The following GCFC2 variants were observed in gnomAD, a reference collection of about 807,000 sequenced individuals.
GCFC2 encodes the protein intron Large complex component GCFC2.
In GCFC2, 102 loss-of-function variants were observed where a neutral mutation model predicts 99.4. The ratio of observed to expected loss-of-function variants is 1.03; its 90% CI spans 0.87 to 1.21. GCFC2 has a LOEUF of 1.21. Ranked by LOEUF, GCFC2 falls within the 50% of genes most tolerant of loss-of-function variation. The pLI is 0.00. For synonymous variants in GCFC2, 338 were observed against 316.8 expected (o/e 1.07, Z -0.71); for missense variants, 973 against 920.9 (o/e 1.06, Z -0.73).
At chr2:75,676,039 T>TG (rs1679323879) in intron 12 of GCFC2, among the ~76,000 whole-genome samples, 1 of 152,114 alleles carries the variant, frequency 6.6e-6, no homozygotes, top group Non-Finnish European at 1.5e-5. Context: ...GGACAAATGT[T>TG]GGGGATGGTT....
intron 4 of GCFC2, among the ~76,000 whole-genome samples, chr2:75,696,952 AT>A (rs1239572161): frequency 6.6e-6 from 1 of 151,794 alleles, no homozygotes. Flanking sequence ...TGCCTGGTGA[AT>A]TTTTTTGTAT....
At chr2:75,711,447 TAAAG>T (rs1196830646), upstream of GCFC2, among the ~76,000 whole-genome samples, 1 of 152,200 alleles carries the variant, frequency 6.6e-6, no homozygotes, top group Non-Finnish European at 1.5e-5. Context: ...TTTTCACCCT[TAAAG>T]AAACTATCTA....
chr2:75,681,759 G>A (rs957020284), intron 11 of GCFC2, among the ~76,000 whole-genome samples: 8 of 151,814 alleles, frequency 5.3e-5, no homozygotes, highest in Non-Finnish European at 7.3e-5. Context: ...CTTGGTAGGC[G>A]GAGGGGTGTC....
intron 12 of GCFC2, among the ~76,000 whole-genome samples, chr2:75,676,951 A>T (rs1027206574): frequency 6.6e-6 from 1 of 152,350 alleles, no homozygotes; most frequent in Non-Finnish European, 1.5e-5. Context: ...TTCAATAAAA[A>T]TATTGAACAG....
chr2:75,668,985 C>T (rs538316093), intron 15 of GCFC2, among the ~76,000 whole-genome samples: 6 of 152,244 alleles, frequency 3.9e-5, no homozygotes, highest in Non-Finnish European at 8.8e-5. Context: ...CACTGGAAAT[C>T]GTAAGTAAAA....
chr2:75,671,675 CTG>C (rs1302965142), intron 14 of GCFC2, among the ~76,000 whole-genome samples: 6 of 152,120 alleles, frequency 3.9e-5, no homozygotes, highest in Non-Finnish European at 8.8e-5. Context: ...CGTTTTAAAA[CTG>C]TCTTTAAACA....
chr2:75,688,504 T>C (rs1306468991), intron 10 of GCFC2, among the ~76,000 whole-genome samples: 1 of 152,172 alleles, frequency 6.6e-6, no homozygotes, highest in Non-Finnish European at 1.5e-5. Context: ...GAACAGAGTT[T>C]ATATTCCTTA....
intron 4 of GCFC2, among the ~76,000 whole-genome samples, chr2:75,699,006 T>A (rs1274033368): frequency 1.4e-5 from 2 of 146,662 alleles, no homozygotes; most frequent in Non-Finnish European, 3.0e-5. Context: ...AGAGAAACTC[T>A]GTCTCAAAAA....
chr2:75,689,333 C>A, intron 9 of GCFC2, 108 bp from the exon 10 acceptor site: 1 of 581,120 alleles, frequency 1.7e-6, no homozygotes, highest in Non-Finnish European at 3.0e-6. Flanking sequence ...AAAATTTGTC[C>A]TTTTATATTA....
chr2:75,702,066 G>A (rs1327832602), intron 3 of GCFC2, 133 bp downstream of exon 3: 1 of 1,452,922 alleles, frequency 6.9e-7, no homozygotes, highest in Non-Finnish European at 9.0e-7. Flanking sequence ...CAATATCATG[G>A]ACCAAATCGA....
chr2:75,692,331 G>C (rs557726970), intron 6 of GCFC2, among the ~76,000 whole-genome samples: 72 of 151,556 alleles, frequency 4.8e-4, no homozygotes, highest in Middle Eastern at 6.8e-3. Flanking sequence ...TAGTCTACTG[G>C]AACTGTTACA....
At chr2:75,684,186 G>C (rs1050148218) in intron 11 of GCFC2, among the ~76,000 whole-genome samples, 6 of 152,120 alleles carry the variant, frequency 3.9e-5, no homozygotes, top group African/African-American at 1.4e-4. Flanking sequence ...ATTTTTCTTA[G>C]CACCACATCA....
At chr2:75,710,170 G>C (rs1194606601) in intron 1 of GCFC2, among the ~76,000 whole-genome samples, 1 of 152,162 alleles carries the variant, frequency 6.6e-6, no homozygotes, top group Non-Finnish European at 1.5e-5. Flanking sequence ...TACTACTCTG[G>C]CTAAATGTTT....
chr2:75,681,278 G>A (rs747756724), intron 11 of GCFC2, among the ~76,000 whole-genome samples: 5 of 152,174 alleles, frequency 3.3e-5, no homozygotes, highest in Non-Finnish European at 7.4e-5. Context: ...GCCCACAGAG[G>A]GTGAGCTGAA....
chr2:75,667,402 C>T (rs1182983419), intron 15 of GCFC2, among the ~76,000 whole-genome samples: 1 of 152,068 alleles, frequency 6.6e-6, no homozygotes, highest in Non-Finnish European at 1.5e-5. Flanking sequence ...AATTAAAATG[C>T]ACCCTATATA....
chr2:75,692,106 A>T lies in GCFC2; in HGVS notation c.1021-6T>A, dbSNP rs1680098791. 7.1e-7 allele frequency: 1 copy of T among 1,401,370 alleles called. No individual in the cohort carries two copies. The highest frequency in any genetic ancestry group is 9.6e-7 in the Non-Finnish European group (1 of 1,037,282). The allele number at this position is 1,401,370 out of a possible 1,614,324, so 86.8% of individuals were successfully genotyped here. A position where few individuals can be genotyped will look rare whatever the true frequency, so the allele number is the denominator to read the frequency against. ...ATTTCTTGGATGTTGATAATCTGAAATACACATATAAGTAACATTTTGCAG... is the reference window on the plus strand; with the variant it reads ...ATTTCTTGGATGTTGATAATCTGAATTACACATATAAGTAACATTTTGCAG... On this transcript the variant is annotated splice_region_variant and splice_polypyrimidine_tract_variant and intron_variant, in intron 6 of 16. Transcript: ENST00000321027.
chr2:75,668,000 T>G (rs1678925501), intron 15 of GCFC2, among the ~76,000 whole-genome samples: 1 of 152,186 alleles, frequency 6.6e-6, no homozygotes, highest in African/African-American at 2.4e-5. Context: ...TGAATCAATT[T>G]CCACTAACCC....
At chr2:75,701,106 T>A in intron 4 of GCFC2, 84 bp downstream of exon 4, 1 of 773,778 alleles carries the variant, frequency 1.3e-6, no homozygotes, top group South Asian at 1.5e-5. Flanking sequence ...AGAATAAATG[T>A]GTGTTCTTTT....
At chr2:75,702,698 G>A (rs1680662102) in intron 2 of GCFC2, among the ~76,000 whole-genome samples, 1 of 152,142 alleles carries the variant, frequency 6.6e-6, no homozygotes, top group Non-Finnish European at 1.5e-5. Flanking sequence ...TACTCATCAG[G>A]TACTGCTCAC....
Sources: gnomAD v4.1 joint callset for allele counts (sites outside exome capture counted in the v4.1 genomes callset) on GRCh38, gnomAD v4.1.1 for gene constraint, MANE v1.5 for transcripts, NCBI Gene and HGNC (gene_info 2026-07-23, HGNC 2026-07-21) for gene names.